The following SNX30 variants were observed in gnomAD, a reference collection of about 807,000 sequenced individuals.
SNX30 encodes sorting nexin family member 30, also known as sorting nexin-30.
SNX30 carries 24 observed loss-of-function variants against 46.4 expected under a neutral mutation model. The observed-to-expected ratio is 0.52, with a 90% CI of 0.37 to 0.73. The LOEUF is 0.73. Among genes scored for constraint, SNX30 ranks in the 30% least tolerant of loss-of-function variants. SNX30 has a pLI of 0.00. For missense variants in SNX30, 533 were observed against 555.7 expected (o/e 0.96, Z 0.41); for synonymous variants, 189 against 211.5 (o/e 0.89, Z 0.92).
intron 1 of SNX30, among the ~76,000 whole-genome samples, chr9:112,784,662 C>G (rs1839893505): frequency 6.6e-6 from 1 of 152,180 alleles, no homozygotes; most frequent in African/African-American, 2.4e-5. Context: ...CTCCATGCAG[C>G]CTAGCCTGGA....
intron 4 of SNX30, among the ~76,000 whole-genome samples, chr9:112,834,882 A>AC (rs370427731): frequency 9.5e-6 from 1 of 105,252 alleles, no homozygotes; most frequent in Non-Finnish European, 2.3e-5. Flanking sequence ...ACACACACAC[A>AC]CCTACCTCAA....
Position 112,836,429 on chromosome 9 carries a change from C to G in SNX30, c.814+20C>G. 1 of 1,577,326 alleles carries G rather than the reference C, an allele frequency of 6.3e-7. No homozygotes were observed. The highest frequency in any genetic ancestry group is 2.3e-5 in the East Asian group (1 of 43,900). ...AAATAGGTGAGCTGTCTGTTGAGGT[C>G]TCGATTATGCCCTGCAGCCACATTG... is the stretch of plus-strand genomic sequence containing the variant. On this transcript the variant is annotated intron_variant, in intron 5 of 8. Transcript: ENST00000374232.
In SNX30 at chr9:112,869,602, A is replaced by G. The variant is rs1358402115; in HGVS notation, c.*759A>G. On this transcript the variant is annotated 3_prime_UTR_variant, in exon 9 of 9. Transcript: ENST00000374232. The stretch of plus-strand genomic sequence containing the variant: ...TTGGAAACTTTTTGTGTAAAATGAA[A>G]AAAACAAAGTGCTGGTTTTTTTTTT... The G allele has an allele frequency of 1.4e-5, 2 of 147,810 alleles. No homozygotes were observed. Among genetic ancestry groups the G allele is most frequent in the African/African-American group, 4.9e-5 (2 of 41,154 alleles). 9.2% of individuals were successfully genotyped at this position (147,810 alleles called of 1,614,324 possible).
At chr9:112,753,952 C>G (rs1057397836) in intron 1 of SNX30, among the ~76,000 whole-genome samples, 1 of 152,232 alleles carries the variant, frequency 6.6e-6, no homozygotes, top group Non-Finnish European at 1.5e-5. Flanking sequence ...TGGCTTTCTC[C>G]TACCTCAGCA....
chr9:112,777,499 T>C (rs1359049609), intron 1 of SNX30, among the ~76,000 whole-genome samples: 2 of 151,946 alleles, frequency 1.3e-5, no homozygotes, highest in Non-Finnish European at 2.9e-5. Flanking sequence ...CAGTCATGGC[T>C]CACTGCAGCC....
rs941414792 is a variant in SNX30, at chr9:112,777,585, C to T, written c.156+26428C>T. ...GGGACTACAGGTGCATACCACCACA[C>T]CCAGCTAGTTTTTAATTTTTTTTTT... On this transcript the variant is annotated intron_variant, in intron 1 of 8. Coordinates refer to ENST00000374232, the MANE Select transcript of SNX30 (RefSeq NM_001012994.2). Among the ~76,000 whole-genome samples, 7 of 149,064 alleles carry T rather than the reference C, an allele frequency of 4.7e-5. No individual in the cohort carries two copies. In the Middle Eastern group the frequency reaches 0.01, roughly 217 times the overall value.
chr9:112,872,434 G>A lies in SNX30; in HGVS notation c.*3591G>A, dbSNP rs1035121188. ...GGACTGCGGGACAGTCATTCTTTAC[G>A]TTCTCTCTTGAGCTGGTGAGAGAGG... On this transcript the variant is annotated 3_prime_UTR_variant, in exon 9 of 9. Transcript: ENST00000374232. 3.3e-5 allele frequency: 5 copies of A among 152,206 alleles called. No homozygotes were observed. The highest frequency in any genetic ancestry group is 2.1e-4 in the South Asian group (1 of 4,834). The allele number at this position is 152,206 out of a possible 1,614,324, so 9.4% of individuals were successfully genotyped here.
chr9:112,823,275 T>G (rs1840533974), intron 3 of SNX30, among the ~76,000 whole-genome samples: 1 of 152,240 alleles, frequency 6.6e-6, no homozygotes, highest in Admixed American at 6.5e-5. Context: ...TGTATCCCCC[T>G]AGGATAAGGG....
intron 4 of SNX30, 76 bp from the exon 5 acceptor site, chr9:112,836,138 T>G: frequency 7.3e-7 from 1 of 1,375,592 alleles, no homozygotes; most frequent in Non-Finnish European, 9.8e-7. Context: ...CTGAAGCTGC[T>G]TTTAGAAGCT....
chr9:112,836,971 G>T (rs1184027510), intron 5 of SNX30, among the ~76,000 whole-genome samples: 1 of 152,126 alleles, frequency 6.6e-6, no homozygotes, highest in Admixed American at 6.5e-5. Context: ...CCCTCTCGGG[G>T]CCACCTGCTT....
chr9:112,837,316 A>G (rs1238144236), intron 5 of SNX30, among the ~76,000 whole-genome samples: 1 of 152,110 alleles, frequency 6.6e-6, no homozygotes, highest in Non-Finnish European at 1.5e-5. Flanking sequence ...ATCCACACCT[A>G]AGGATCTTGC....
intron 1 of SNX30, 116 bp from the exon 2 acceptor site, chr9:112,804,660 T>A: frequency 1.1e-6 from 1 of 880,872 alleles, no homozygotes; most frequent in Non-Finnish European, 1.7e-6. Flanking sequence ...CTCAGGTGTT[T>A]CGAAAGTTAT....
intron 1 of SNX30, among the ~76,000 whole-genome samples, chr9:112,763,360 CTTT>C (rs751720343): frequency 2.3e-3 from 108 of 47,582 alleles, no homozygotes; most frequent in Admixed American, 0.022. Flanking sequence ...GCTATTTAAA[CTTT>C]TTTTTTTTTT....
rs137980878 is a variant in SNX30, at chr9:112,758,009, T to G, written c.156+6852T>G. On this transcript the variant is annotated intron_variant, in intron 1 of 8. Transcript: ENST00000374232. ...CACAGTGGCTTATCTGAAACTTTTC[T>G]CTGCTCCTCATACCCTCTACCCTTC... Among the ~76,000 whole-genome samples, 178 of 152,296 alleles carry G rather than the reference T, an allele frequency of 1.2e-3. 1 individual carries two copies. Among genetic ancestry groups the G allele is most frequent in the African/African-American group, 4.0e-3 (167 of 41,552 alleles).
intron 8 of SNX30, among the ~76,000 whole-genome samples, chr9:112,866,971 CTCCT>C (rs1841361127): frequency 6.8e-6 from 1 of 147,454 alleles, no homozygotes. Flanking sequence ...AGAACTCCTC[CTCCT>C]TCCTCAGAAT....
At chr9:112,780,448 A>G (rs1220345706) in intron 1 of SNX30, among the ~76,000 whole-genome samples, 2 of 152,208 alleles carry the variant, frequency 1.3e-5, no homozygotes, top group Non-Finnish European at 1.5e-5. Flanking sequence ...GGCACAGCCT[A>G]AGGAAATCAT....
Position 112,838,709 on chromosome 9 carries a change from T to C in SNX30, c.1014+12T>C. ...CTGACTCCATGAAGGTAAGCTGGCT[T>C]GCTTCTTGTGTATTTGCATACTTTC... On this transcript the variant is annotated intron_variant, in intron 6 of 8. Coordinates refer to ENST00000374232, the MANE Select transcript of SNX30 (RefSeq NM_001012994.2). 6.2e-7 allele frequency: 1 copy of C among 1,611,828 alleles called. No individual in the cohort carries two copies. The highest frequency in any genetic ancestry group is 8.5e-7 in the Non-Finnish European group (1 of 1,178,298).
At chr9:112,786,276 C>T (rs893698816) in intron 1 of SNX30, among the ~76,000 whole-genome samples, 1 of 152,026 alleles carries the variant, frequency 6.6e-6, no homozygotes, top group Non-Finnish European at 1.5e-5. Flanking sequence ...CACCATCACG[C>T]TCTGCTAATC....
chr9:112,772,320 G>A (rs749680116), intron 1 of SNX30, among the ~76,000 whole-genome samples: 89 of 152,314 alleles, frequency 5.8e-4, no homozygotes, highest in Middle Eastern at 6.8e-3. Context: ...GTAAGAGGAT[G>A]CAGTTGAGTT....
Sources: allele counts gnomAD v4.1 joint callset (sites outside exome capture counted in the v4.1 genomes callset), GRCh38; gene constraint gnomAD v4.1.1; transcripts MANE v1.5; gene names NCBI Gene and HGNC (gene_info 2026-07-23, HGNC 2026-07-21).